The following MMP13 variants were observed in gnomAD, a reference collection of about 807,000 sequenced individuals.
The protein encoded by MMP13 is matrix metallopeptidase 13.
Under a neutral mutation model 52.1 loss-of-function variants are expected in MMP13, and 45 were observed. That is an observed-to-expected ratio of 0.86 (90% CI 0.68 to 1.11). The LOEUF (loss-of-function observed/expected upper bound fraction) is 1.11, where lower values mean the gene tolerates loss of function less well. MMP13 is among the 50% of genes least tolerant of loss of function. MMP13 has a pLI of 0.00. For missense variants in MMP13, 576 were observed against 583.8 expected (o/e 0.99, Z 0.14); for synonymous variants, 200 against 204.4 (o/e 0.98, Z 0.18).
At chr11:102,944,515 C>T in intron 9 of MMP13, 149 bp from the exon 10 acceptor site, 2 of 530,086 alleles carry the variant, frequency 3.8e-6, no homozygotes, top group South Asian at 2.5e-5. Context: ...AATAGTTGTT[C>T]CTTTTTAAAT....
Position 102,955,374 on chromosome 11 carries a change from A to G in MMP13, c.240T>C (p.Thr80=), listed in dbSNP as rs376105726. ...CTAAGGTGTTATCGTCAAGTTTGCC[A>G]GTCACCTCTAAGCCGAAGAAAGACT... ...EMQSFFGLEV[T]GKLDDNTLDV... Residue 80 remains threonine, a synonymous_variant, in exon 2 of 10, where the codon ACT becomes ACC. Transcript: ENST00000260302. This position sits in a 1 kb window ranked among gnomAD's most constrained non-coding sequence, Gnocchi z 4.9. 7.4e-6 allele frequency: 12 copies of G among 1,613,944 alleles called. No homozygotes were observed. In the African/African-American group the frequency reaches 1.5e-4, roughly 20 times the overall value.
At chr11:102,946,432 C>A (rs1860508649) in intron 8 of MMP13, among the ~76,000 whole-genome samples, 1 of 152,122 alleles carries the variant, frequency 6.6e-6, no homozygotes, top group Non-Finnish European at 1.5e-5. Flanking sequence ...CACTAAACTA[C>A]CAATAAAGCT....
chr11:102,947,955 T>A lies in MMP13; in HGVS notation c.1147A>T (p.Ser383Cys). Residue 383 changes from serine to cysteine, a missense_variant, in exon 8 of 10, where the codon AGT becomes TGT. Ser to Cys is a moderately radical substitution (Grantham distance 112). Transcript: ENST00000260302. ...GTATCCTCAAAGTGAACAGCTGCAC[T>A]TATCTTCTTAACTTCTTTTGGAAGA... Reference protein sequence around the residue: ...LGLPKEVKKISAAVHFEDTGK... With the variant: ...LGLPKEVKKICAAVHFEDTGK... 6.2e-7 allele frequency: 1 copy of A among 1,613,998 alleles called. No homozygotes were observed. The highest frequency in any genetic ancestry group is 8.5e-7 in the Non-Finnish European group (1 of 1,179,926).
chr11:102,948,060 G>A lies in MMP13; in HGVS notation c.1052-10C>T, dbSNP rs1555016881. 11 of 1,611,738 alleles carry A rather than the reference G, an allele frequency of 6.8e-6. No individual in the cohort carries two copies. Among genetic ancestry groups the A allele is most frequent in the Non-Finnish European group, 8.5e-6 (10 of 1,178,664 alleles). ...GCCCAAAATTTTCTACCTGGAATGAGTGAAATAACAGTTCTATTATCCAAG... is the reference window on the plus strand; with the variant it reads ...GCCCAAAATTTTCTACCTGGAATGAATGAAATAACAGTTCTATTATCCAAG... On this transcript the variant is annotated splice_polypyrimidine_tract_variant and intron_variant, in intron 7 of 9. Transcript: ENST00000260302.
At position 102,954,567 on chromosome 11, in the gene MMP13, G is replaced by A. The variant is rs576919878; in HGVS notation, c.402C>T (p.Val134=). 4.0e-5 allele frequency: 64 copies of A among 1,613,504 alleles called. No homozygotes were observed. Among genetic ancestry groups the A allele is most frequent in the South Asian group, 3.6e-4 (33 of 91,044 alleles). Residue 134 remains valine, a synonymous_variant, in exon 3 of 10, where the codon GTC becomes GTT. Transcript: ENST00000260302. ...NYTPDMTHSE[V]EKAFKKAFKV... ...TGAAGGCTTTTTTGAATGCCTTTTCGACTTCAGAATGAGTCATATCAGGGG... is the reference window on the plus strand; with the variant it reads ...TGAAGGCTTTTTTGAATGCCTTTTCAACTTCAGAATGAGTCATATCAGGGG...
Position 102,949,129 on chromosome 11 carries a change from A to G in MMP13, c.947T>C (p.Val316Ala). 1 of 1,613,780 alleles carries G rather than the reference A, an allele frequency of 6.2e-7. No individual in the cohort carries two copies. The highest frequency in any genetic ancestry group is 8.5e-7 in the Non-Finnish European group (1 of 1,179,784). ...RFFWRLHPQQVDAELFLTKSF... is the reference protein window; with the variant it reads ...RFFWRLHPQQADAELFLTKSF... ...TTTCGTTAAAAACAGCTCCGCATCA[A>G]CCTGCTGAGGATGCAGGCGCCAGAA... is the stretch of plus-strand genomic sequence containing the variant. The change falls in exon 7 of 10, where the codon GTT becomes GCT. Residue 316 changes from valine (V) to alanine (A), a missense_variant. Physicochemically the swap from Val to Ala is moderately conservative, Grantham distance 64. Transcript: ENST00000260302. This position sits in a 1 kb window ranked among gnomAD's most constrained non-coding sequence, Gnocchi z 4.2.
At chr11:102,947,805 G>A in intron 8 of MMP13, 86 bp downstream of exon 8, 2 of 1,398,790 alleles carry the variant, frequency 1.4e-6, no homozygotes, top group Non-Finnish European at 1.0e-6. Flanking sequence ...TTACAATAGT[G>A]TGTAGGAATA....
At position 102,955,675 on chromosome 11, in the gene MMP13, A is replaced by T. The variant is rs1317290108; in HGVS notation, c.31T>A (p.Phe11Ile). 1 of 1,613,978 alleles carries T rather than the reference A, an allele frequency of 6.2e-7. No homozygotes were observed. The highest frequency in any genetic ancestry group is 8.5e-7 in the Non-Finnish European group (1 of 1,179,890). The part of the protein sequence containing the change: MHPGVLAAFL[F>I]LSWTHCRALP... ...GCCCGACAATGAGTCCAGCTCAAGA[A>T]GAGGAAGGCAGCCAGGACCCCTGGA... Residue 11 changes from phenylalanine (F) to isoleucine (I), a missense_variant, in exon 1 of 10, where the codon TTC becomes ATC. By Grantham distance (21) the Phe-to-Ile change is conservative. Transcript: ENST00000260302. This position sits in a 1 kb window ranked among gnomAD's most constrained non-coding sequence, Gnocchi z 4.9.
chr11:102,950,027 T>A, intron 6 of MMP13, 83 bp downstream of exon 6: 1 of 1,186,716 alleles, frequency 8.4e-7, no homozygotes, highest in Non-Finnish European at 1.3e-6. Flanking sequence ...TTTGGAAGTC[T>A]GACAGGATGT....
rs1860451421 is a variant in MMP13 at position 102,943,934 on chromosome 11, A to G, written c.*332T>C. ...CATGTATTTACTTTATGCCCTTGTA[A>G]AATTTCCTTATAAATATATTTTTAA... is the stretch of plus-strand genomic sequence containing the variant. On this transcript the variant is annotated 3_prime_UTR_variant, in exon 10 of 10. Coordinates refer to ENST00000260302, the MANE Select transcript of MMP13 (RefSeq NM_002427.4). The G allele has an allele frequency of 2.9e-5, 8 of 271,868 alleles. No individual in the cohort carries two copies. Among genetic ancestry groups the G allele is most frequent in the Non-Finnish European group, 4.4e-5 (6 of 136,586 alleles). 16.8% of individuals were successfully genotyped at this position (271,868 alleles called of 1,614,324 possible).
rs1301955422 is a variant in MMP13, at chr11:102,955,391, A to G, written c.223T>C (p.Phe75Leu). 6.2e-7 allele frequency: 1 copy of G among 1,614,062 alleles called. No homozygotes were observed. The highest frequency in any genetic ancestry group is 8.5e-7 in the Non-Finnish European group (1 of 1,179,962). Reference sequence around the variant, plus strand: ...AGTTTGCCAGTCACCTCTAAGCCGAAGAAAGACTGCATTTCTCGGAGCCTC... The same window carrying G: ...AGTTTGCCAGTCACCTCTAAGCCGAGGAAAGACTGCATTTCTCGGAGCCTC... ...TERLREMQSFFGLEVTGKLDD... is the reference protein window; with the variant it reads ...TERLREMQSFLGLEVTGKLDD... Residue 75 changes from phenylalanine (F) to leucine (L), a missense_variant, in exon 2 of 10, where the codon TTC becomes CTC. Transcript: ENST00000260302. This position sits in a 1 kb window ranked among gnomAD's most constrained non-coding sequence, Gnocchi z 4.9.
chr11:102,944,194 C>A lies in MMP13; in HGVS notation c.*72G>T. 8.8e-7 allele frequency: 1 copy of A among 1,133,956 alleles called. No individual in the cohort carries two copies. Among genetic ancestry groups the A allele is most frequent in the South Asian group, 1.2e-5 (1 of 81,132 alleles). The allele number at this position is 1,133,956 out of a possible 1,614,324, so 70.2% of individuals were successfully genotyped here. A position where few individuals can be genotyped will look rare whatever the true frequency, so the allele number is the denominator to read the frequency against. The stretch of plus-strand genomic sequence containing the variant: ...GCTTTCTCCTGATAGCTCTTCTTCC[C>A]CTACCCCGCACTTCTGGAAGTATTA... On this transcript the variant is annotated 3_prime_UTR_variant, in exon 10 of 10. Transcript: ENST00000260302.
At chr11:102,950,016 C>A in intron 6 of MMP13, 94 bp downstream of exon 6, 1 of 1,068,048 alleles carries the variant, frequency 9.4e-7, no homozygotes, top group South Asian at 1.3e-5. Flanking sequence ...CTAACTTCGC[C>A]TTTGGAAGTC....
In MMP13 at chr11:102,949,295, T is replaced by A; in HGVS notation, c.918-137A>T. On this transcript the variant is annotated intron_variant, in intron 6 of 9. Coordinates refer to ENST00000260302, the MANE Select transcript of MMP13 (RefSeq NM_002427.4). The surrounding 1 kb of genome is among the most constrained non-coding windows in gnomAD (Gnocchi z 4.2). ...TCCCACCTGTGAAGGGAAAAAAAAT[T>A]CCATTACCCTTTAAGCGCCAGTGAC... is the stretch of plus-strand genomic sequence containing the variant. 1 of 1,081,670 alleles carries A rather than the reference T, an allele frequency of 9.2e-7. No homozygotes were observed. Among genetic ancestry groups the A allele is most frequent in the Non-Finnish European group, 1.4e-6 (1 of 737,044 alleles). The allele number at this position is 1,081,670 out of a possible 1,614,324, so 67.0% of individuals were successfully genotyped here. A position where few individuals can be genotyped will look rare whatever the true frequency, so the allele number is the denominator to read the frequency against.
At chr11:102,953,801 G>C (rs986718839) in intron 4 of MMP13, among the ~76,000 whole-genome samples, 3 of 152,094 alleles carry the variant, frequency 2.0e-5, no homozygotes, top group Non-Finnish European at 4.4e-5. Context: ...ATCCAGCCCT[G>C]GTAGTTTTTA....
At position 102,955,531 on chromosome 11, in the gene MMP13, A is replaced by AAGG. The variant is rs1860684305; in HGVS notation, c.121-41_121-39dup. On this transcript the variant is annotated intron_variant, in intron 1 of 9. Coordinates refer to ENST00000260302, the MANE Select transcript of MMP13 (RefSeq NM_002427.4). This position sits in a 1 kb window ranked among gnomAD's most constrained non-coding sequence, Gnocchi z 4.9. ...CCAAAATGAACTGCGTTTAAAAGAG[A>AAGG]AGGACATTTCTGAGATGTACCAACC... 1 of 1,613,982 alleles carries AAGG rather than the reference A, an allele frequency of 6.2e-7. No homozygotes were observed. Among genetic ancestry groups the AAGG allele is most frequent in the East Asian group, 2.2e-5 (1 of 44,878 alleles).
chr11:102,944,338 T>C lies in MMP13; in HGVS notation c.1344A>G (p.Ile448Met), dbSNP rs978700921. 5 of 1,612,640 alleles carry C rather than the reference T, an allele frequency of 3.1e-6. No homozygotes were observed. Among genetic ancestry groups the C allele is most frequent in the African/African-American group, 1.3e-5 (1 of 74,950 alleles). The change falls in exon 10 of 10, where the codon ATA (isoleucine) becomes ATG (methionine). Residue 448 changes from isoleucine to methionine, a missense_variant. Coordinates refer to ENST00000260302, the MANE Select transcript of MMP13 (RefSeq NM_002427.4). ...TACTCCAGATGCTGTATTCAAACTG[T>C]ATGGGTCCGTTGAAAAAATAGATAT... ...NGYIYFFNGP[I>M]QFEYSIWSNR...
chr11:102,954,698 T>C (rs1311493902), intron 2 of MMP13, 92 bp from the exon 3 acceptor site: 1 of 1,203,052 alleles, frequency 8.3e-7, no homozygotes, highest in East Asian at 2.3e-5. Context: ...CAATTCAAAA[T>C]GCAATAATTT....
At chr11:102,951,893 T>A in intron 5 of MMP13, 119 bp downstream of exon 5, 2 of 1,007,214 alleles carry the variant, frequency 2.0e-6, no homozygotes, top group South Asian at 2.6e-5. Flanking sequence ...ACCTTTGTCA[T>A]GCATGCGCTT....
Sources: allele counts gnomAD v4.1 joint callset (sites outside exome capture counted in the v4.1 genomes callset), GRCh38; gene constraint gnomAD v4.1.1; non-coding constraint Gnocchi (gnomAD v3.1); transcripts MANE v1.5; gene names NCBI Gene and HGNC (gene_info 2026-07-23, HGNC 2026-07-21).